Variants in MTHFD1L observed in about 807,000 individuals in gnomAD.
MTHFD1L encodes monofunctional C1-tetrahydrofolate synthase, mitochondrial.
MTHFD1L carries 81 observed loss-of-function variants against 119.5 expected under a neutral mutation model. The observed-to-expected ratio is 0.68, with a 90% CI of 0.57 to 0.82. MTHFD1L has a LOEUF of 0.82. Among genes scored for constraint, MTHFD1L ranks in the 40% least tolerant of loss-of-function variants. MTHFD1L has a pLI of 0.00. For synonymous variants in MTHFD1L, 430 were observed against 475.2 expected, an observed-to-expected ratio of 0.90 and a Z score of 1.24; for missense variants, 1,125 against 1,253.4, an observed-to-expected ratio of 0.90 and a Z score of 1.55.
Position 150,967,353 on chromosome 6 carries a change from C to T in MTHFD1L, c.2013+2316C>T, listed in dbSNP as rs77964550. ...CTGGCGTCTGGGGTCCCCCCCTCCCCAGGCCTGCTCGCTGCTCCTCCTCCG... is the reference window on the plus strand; with the variant it reads ...CTGGCGTCTGGGGTCCCCCCCTCCCTAGGCCTGCTCGCTGCTCCTCCTCCG... On this transcript the variant is annotated intron_variant, in intron 19 of 27. Coordinates refer to ENST00000367321, the MANE Select transcript of MTHFD1L (RefSeq NM_015440.5). 5.8e-3 allele frequency among the ~76,000 whole-genome samples: 880 copies of T among 152,320 alleles called. 11 individuals are homozygous for T. Among genetic ancestry groups the T allele is most frequent in the African/African-American group, 0.019 (803 of 41,586 alleles).
chr6:151,012,039 A>AAC (rs1782339853), intron 21 of MTHFD1L, among the ~76,000 whole-genome samples: 1 of 147,620 alleles, frequency 6.8e-6, no homozygotes, highest in African/African-American at 2.6e-5. Flanking sequence ...AAAAAAAAAA[A>AAC]AAAAAAAAAA....
At chr6:150,997,067 C>T (rs1779893683) in intron 20 of MTHFD1L, among the ~76,000 whole-genome samples, 1 of 152,124 alleles carries the variant, frequency 6.6e-6, no homozygotes, top group Admixed American at 6.5e-5. Context: ...TGACTCTTAC[C>T]GCTGTCATTG....
At chr6:151,072,824 A>G (rs1454568070) in intron 26 of MTHFD1L, among the ~76,000 whole-genome samples, 1 of 152,102 alleles carries the variant, frequency 6.6e-6, no homozygotes, top group Non-Finnish European at 1.5e-5. Context: ...TAAAAAGAGT[A>G]CACAATATTA....
intron 20 of MTHFD1L, among the ~76,000 whole-genome samples, chr6:151,008,361 A>C (rs543388571): frequency 6.6e-6 from 1 of 152,228 alleles, no homozygotes; most frequent in Admixed American, 6.5e-5. Flanking sequence ...TATGTATTTC[A>C]TAAACATTTA....
At chr6:151,095,479 G>A (rs1280650984) in intron 27 of MTHFD1L, among the ~76,000 whole-genome samples, 1 of 152,200 alleles carries the variant, frequency 6.6e-6, no homozygotes, top group Non-Finnish European at 1.5e-5. Flanking sequence ...TGCTCTCCAA[G>A]TAGGTCATAT....
chr6:150,990,943 C>T (rs1355713947), intron 20 of MTHFD1L, among the ~76,000 whole-genome samples: 1 of 152,208 alleles, frequency 6.6e-6, no homozygotes, highest in Non-Finnish European at 1.5e-5. Flanking sequence ...GCAACCTCCG[C>T]CTCCTGCGTT....
At chr6:150,903,206 T>C (rs175868) in intron 7 of MTHFD1L, among the ~76,000 whole-genome samples, 8,435 of 34,602 alleles carry the variant, frequency 0.24, 873 homozygotes, top group East Asian at 0.41. Flanking sequence ...CTGCAAAATT[T>C]TTTTTTTTTT....
chr6:150,866,470 G>T, intron 1 of MTHFD1L: 1 of 1,319,876 alleles, frequency 7.6e-7, no homozygotes, highest in South Asian at 2.0e-5. Context: ...TCGGCGCGCC[G>T]GCTGGCCCGG....
intron 12 of MTHFD1L, 103 bp from the exon 13 acceptor site, chr6:150,938,596 A>T: frequency 8.4e-7 from 1 of 1,184,342 alleles, no homozygotes; most frequent in South Asian, 1.3e-5. Context: ...CTTGGGTGTG[A>T]CGCCTCTCTG....
intron 20 of MTHFD1L, among the ~76,000 whole-genome samples, chr6:150,980,791 G>A (rs182654160): frequency 2.6e-5 from 4 of 151,658 alleles, no homozygotes; most frequent in South Asian, 4.2e-4. Context: ...TGAAGTTCCC[G>A]TGGACCCTCC....
chr6:150,945,661 A>T lies in MTHFD1L; in HGVS notation c.1623+120A>T, dbSNP rs1385079429. The T allele has an allele frequency of 2.0e-5, 18 of 878,766 alleles. No homozygotes were observed. In the East Asian group the frequency reaches 4.6e-4, roughly 23 times the overall value. 54.4% of individuals were successfully genotyped at this position (878,766 alleles called of 1,614,324 possible). A position where few individuals can be genotyped will look rare whatever the true frequency, so the allele number is the denominator to read the frequency against. ...TTGGTTTTCAGATATCCTTTTGGGT[A>T]TTAAACTCTATAGAGACCGAACACT... On this transcript the variant is annotated intron_variant, in intron 15 of 27. Transcript: ENST00000367321.
intron 17 of MTHFD1L, among the ~76,000 whole-genome samples, chr6:150,957,202 T>C (rs1000255863): frequency 6.6e-6 from 1 of 152,238 alleles, no homozygotes; most frequent in Non-Finnish European, 1.5e-5. Flanking sequence ...TAGTCGTAAG[T>C]GTTCAGTAAA....
chr6:151,079,028 C>A lies in MTHFD1L; in HGVS notation c.2848-13439C>A, dbSNP rs558449551. Among the ~76,000 whole-genome samples the A allele has an allele frequency of 4.6e-5, 7 of 152,260 alleles. No individual in the cohort carries two copies. In the South Asian group the frequency reaches 1.2e-3, roughly 27 times the overall value. ...AGCCTATACGTGAACGTACTGAAAGCTGACTTACAGTTCAGCCAGTGTGGT... is the reference window on the plus strand; with the variant it reads ...AGCCTATACGTGAACGTACTGAAAGATGACTTACAGTTCAGCCAGTGTGGT... On this transcript the variant is annotated intron_variant, in intron 26 of 27. Coordinates refer to ENST00000367321, the MANE Select transcript of MTHFD1L (RefSeq NM_015440.5).
chr6:151,041,794 C>T (rs1263921197), intron 26 of MTHFD1L: 1 of 532,602 alleles, frequency 1.9e-6, no homozygotes, highest in Non-Finnish European at 3.9e-6. Context: ...AGAAGCTCCC[C>T]TCTGGCTCTA....
intron 27 of MTHFD1L, among the ~76,000 whole-genome samples, chr6:151,093,793 A>G (rs1244283456): frequency 6.6e-6 from 1 of 152,192 alleles, no homozygotes; most frequent in Non-Finnish European, 1.5e-5. Context: ...GGACAGACAC[A>G]TAGCCATGGG....
intron 18 of MTHFD1L, among the ~76,000 whole-genome samples, chr6:150,963,684 C>T (rs935388384): frequency 2.6e-5 from 4 of 152,286 alleles, no homozygotes; most frequent in African/African-American, 9.6e-5. Flanking sequence ...CATCTGTTAG[C>T]GCCATGGCAT....
At chr6:151,017,830 CTTTTT>C (rs895364993) in intron 24 of MTHFD1L, among the ~76,000 whole-genome samples, 13 of 99,010 alleles carry the variant, frequency 1.3e-4, no homozygotes, top group East Asian at 3.2e-4. Context: ...ACCGTGTTTT[CTTTTT>C]TTTTTTTTTT....
chr6:151,017,830 CT>C (rs895364993), intron 24 of MTHFD1L, among the ~76,000 whole-genome samples: 1,158 of 98,972 alleles, frequency 0.012, 2 homozygotes, highest in African/African-American at 0.035. Context: ...ACCGTGTTTT[CT>C]TTTTTTTTTT....
chr6:150,998,291 A>C (rs1353801540), intron 20 of MTHFD1L, among the ~76,000 whole-genome samples: 1 of 152,002 alleles, frequency 6.6e-6, no homozygotes, highest in African/African-American at 2.4e-5. Flanking sequence ...ATAATTGTAA[A>C]GTTTAAGATA....
Sources: gnomAD v4.1 joint callset for allele counts (sites outside exome capture counted in the v4.1 genomes callset) on GRCh38, gnomAD v4.1.1 for gene constraint, MANE v1.5 for transcripts, NCBI Gene and HGNC (gene_info 2026-07-23, HGNC 2026-07-21) for gene names.